NSD2: variants seen among roughly 807,000 people sequenced by gnomAD.
NSD2 encodes the protein nuclear receptor binding SET domain protein 2, also known as histone-lysine N-methyltransferase NSD2.
A neutral mutation model predicts 139.0 loss-of-function variants in NSD2; 12 were observed. The ratio of observed to expected loss-of-function variants is 0.09; its 90% CI spans 0.06 to 0.14. NSD2 has a LOEUF of 0.14. Among genes scored for constraint, NSD2 ranks in the 10% least tolerant of loss-of-function variants. The pLI, the probability that NSD2 is intolerant of heterozygous loss-of-function variation, is 1.00. For synonymous variants in NSD2, 669 were observed against 648.7 expected (o/e 1.03, Z -0.48); for missense variants, 1,155 against 1,745.0 (o/e 0.66, Z 6.02).
chr4:1,951,880 C>T (rs1466875290), intron 10 of NSD2: 5 of 567,628 alleles, frequency 8.8e-6, no homozygotes, highest in African/African-American at 1.9e-5. Context: ...CTTCCTTTGC[C>T]ATTGCTGAGG....
At chr4:1,930,488 TGGACATAG>T in intron 5 of NSD2, 130 bp from the exon 6 acceptor site, 1 of 896,408 alleles carries the variant, frequency 1.1e-6, no homozygotes, top group Non-Finnish European at 1.6e-6. Flanking sequence ...GAAGCTTTTA[TGGACATAG>T]TTCCACGATG....
intron 18 of NSD2, among the ~76,000 whole-genome samples, chr4:1,961,626 G>A (rs540278885): frequency 6.6e-6 from 1 of 152,314 alleles, no homozygotes; most frequent in African/African-American, 2.4e-5. Flanking sequence ...GGTGCTAGAG[G>A]GATCAATGTT....
chr4:1,876,878 G>A (rs1714302007), intron 1 of NSD2, among the ~76,000 whole-genome samples: 1 of 152,166 alleles, frequency 6.6e-6, no homozygotes, highest in Admixed American at 6.5e-5. Flanking sequence ...GCTCACGCCT[G>A]TAATCCCAGT....
At position 1,978,019 on chromosome 4, in the gene NSD2, C is replaced by T. The variant is rs151210647; in HGVS notation, c.3827-619C>T. Among the ~76,000 whole-genome samples the T allele has an allele frequency of 1.9e-3, 287 of 151,078 alleles. 1 individual carries two copies. Among genetic ancestry groups the T allele is most frequent in the African/African-American group, 6.0e-3 (245 of 41,072 alleles). On this transcript the variant is annotated intron_variant, in intron 21 of 21. Transcript: ENST00000508803. ...GCGGGCGCCTGTAATCCTGGCTACT[C>T]GGAAGGGTGAGGCAGCAGAATCACT...
At chr4:1,878,249 ATATTTTTTTTTTTTTTTTTTT>A (rs1714434679) in intron 1 of NSD2, among the ~76,000 whole-genome samples, 3 of 34,920 alleles carry the variant, frequency 8.6e-5, no homozygotes, top group African/African-American at 2.9e-4. Flanking sequence ...ATATATATAT[ATATTTTTTTTTTTTTTTTTTT>A]TTTTTTTTTT....
At chr4:1,878,991 C>G (rs911274320) in intron 1 of NSD2, among the ~76,000 whole-genome samples, 4 of 152,038 alleles carry the variant, frequency 2.6e-5, no homozygotes, top group Admixed American at 2.0e-4. Flanking sequence ...CTCTGTGAAC[C>G]AGGGGAAGGG....
At chr4:1,879,607 C>A (rs939046236) in intron 1 of NSD2, among the ~76,000 whole-genome samples, 1 of 152,136 alleles carries the variant, frequency 6.6e-6, no homozygotes, top group East Asian at 1.9e-4. Context: ...TCTTTGCTGG[C>A]CAGTCCTTTG....
chr4:1,887,122 C>T (rs1481832255), intron 1 of NSD2, among the ~76,000 whole-genome samples: 2 of 152,168 alleles, frequency 1.3e-5, no homozygotes, highest in African/African-American at 4.8e-5. Flanking sequence ...CCATGTGATG[C>T]CAGCTTGTTG....
chr4:1,943,767 A>G (rs147996011), intron 9 of NSD2: 3 of 1,059,900 alleles, frequency 2.8e-6, no homozygotes, highest in Non-Finnish European at 3.4e-6. Flanking sequence ...GGAAAAAAAG[A>G]TGGTATAAAA....
At position 1,972,336 on chromosome 4, in the gene NSD2, T is replaced by A. The variant is rs777299282; in HGVS notation, c.3373-2527T>A. Among the ~76,000 whole-genome samples, 1 of 152,154 alleles carries A rather than the reference T, an allele frequency of 6.6e-6. No individual in the cohort carries two copies. Among genetic ancestry groups the A allele is most frequent in the Non-Finnish European group, 1.5e-5 (1 of 68,024 alleles). On this transcript the variant is annotated intron_variant, in intron 18 of 21. Coordinates refer to ENST00000508803, the MANE Select transcript of NSD2 (RefSeq NM_001042424.3). This position sits in a 1 kb window ranked among gnomAD's most constrained non-coding sequence, Gnocchi z 4.0. ...AAAGGAGAGGCTGTGAGGGTGGAAA[T>A]CTTCCCCAGTGCAAGCTCGTTGTAG...
intron 5 of NSD2, among the ~76,000 whole-genome samples, chr4:1,925,264 G>A (rs753644352): frequency 6.6e-6 from 1 of 152,100 alleles, no homozygotes; most frequent in Non-Finnish European, 1.5e-5. Context: ...TTGAGGGATA[G>A]AGTCAGGTGG....
Position 1,956,801 on chromosome 4 carries a change from G to A in NSD2, c.2881+613G>A, listed in dbSNP as rs978007669. 6.6e-6 allele frequency among the ~76,000 whole-genome samples: 1 copy of A among 152,246 alleles called. No individual in the cohort carries two copies. The highest frequency in any genetic ancestry group is 1.5e-5 in the Non-Finnish European group (1 of 68,040). ...TGTGTGCATGTGGCTCGTTCAGGGA[G>A]AAGCACACGCTGTGTTGCAGCCGGG... On this transcript the variant is annotated intron_variant, in intron 15 of 21. Coordinates refer to ENST00000508803, the MANE Select transcript of NSD2 (RefSeq NM_001042424.3). This position sits in a 1 kb window ranked among gnomAD's most constrained non-coding sequence, Gnocchi z 5.3.
intron 6 of NSD2, among the ~76,000 whole-genome samples, chr4:1,933,616 G>C (rs1267379197): frequency 6.6e-6 from 1 of 151,762 alleles, no homozygotes; most frequent in Non-Finnish European, 1.5e-5. Flanking sequence ...GGATGGTCTC[G>C]ATCTCCTGAC....
At chr4:1,905,300 G>C (rs550570790) in intron 3 of NSD2, among the ~76,000 whole-genome samples, 1 of 152,260 alleles carries the variant, frequency 6.6e-6, no homozygotes, top group African/African-American at 2.4e-5. Flanking sequence ...GATGTGGCGA[G>C]TGCGGAGTTA....
chr4:1,924,897 A>G (rs1720655261), intron 5 of NSD2, among the ~76,000 whole-genome samples: 1 of 152,174 alleles, frequency 6.6e-6, no homozygotes, highest in Non-Finnish European at 1.5e-5. Flanking sequence ...ACTGCACTCC[A>G]GTTTGGATGA....
At chr4:1,971,301 A>G (rs1726449626) in intron 18 of NSD2, among the ~76,000 whole-genome samples, 1 of 152,206 alleles carries the variant, frequency 6.6e-6, no homozygotes, top group Non-Finnish European at 1.5e-5. Flanking sequence ...ACACAGAAGA[A>G]GGCTTTTTTG....
At chr4:1,917,778 CTTTTTT>C (rs34000332) in intron 4 of NSD2, among the ~76,000 whole-genome samples, 1 of 122,670 alleles carries the variant, frequency 8.2e-6, no homozygotes, top group Non-Finnish European at 1.8e-5. Flanking sequence ...TAAAAGTATT[CTTTTTT>C]TTTTTTTTTT....
intron 1 of NSD2, among the ~76,000 whole-genome samples, chr4:1,883,437 GC>G (rs1230755686): frequency 2.0e-5 from 3 of 152,048 alleles, no homozygotes; most frequent in African/African-American, 7.2e-5. Context: ...TTCAAGACCA[GC>G]CTGGCCAACA....
chr4:1,979,513 G>C lies in NSD2; in HGVS notation c.*604G>C, dbSNP rs566450813. 1 of 233,158 alleles carries C rather than the reference G, an allele frequency of 4.3e-6. No homozygotes were observed. The highest frequency in any genetic ancestry group is 2.2e-5 in the African/African-American group (1 of 45,472). The allele number at this position is 233,158 out of a possible 1,614,324, so 14.4% of individuals were successfully genotyped here. A position where few individuals can be genotyped will look rare whatever the true frequency, so the allele number is the denominator to read the frequency against. On this transcript the variant is annotated 3_prime_UTR_variant, in exon 22 of 22. Coordinates refer to ENST00000508803, the MANE Select transcript of NSD2 (RefSeq NM_001042424.3). Reference sequence around the variant, plus strand: ...CTAGTGAGAAGCTGGCCCTGCAGGTGGTGGCAGCAATGGTGTTGTAAGATT... The same window carrying C: ...CTAGTGAGAAGCTGGCCCTGCAGGTCGTGGCAGCAATGGTGTTGTAAGATT...
Sources: allele counts gnomAD v4.1 joint callset (sites outside exome capture counted in the v4.1 genomes callset), GRCh38; gene constraint gnomAD v4.1.1; non-coding constraint Gnocchi (gnomAD v3.1); transcripts MANE v1.5; gene names NCBI Gene and HGNC (gene_info 2026-07-23, HGNC 2026-07-21).